Variants in PDGFD observed in about 807,000 individuals in gnomAD.
The protein encoded by PDGFD is platelet-derived growth factor D.
In PDGFD, 30 loss-of-function variants were observed where a neutral mutation model predicts 44.7. That is an observed-to-expected ratio of 0.67 (90% CI 0.50 to 0.91). The LOEUF (loss-of-function observed/expected upper bound fraction) is 0.91. Ranked by LOEUF, PDGFD falls within the 40% of genes least tolerant of loss-of-function variation. PDGFD has a pLI of 0.00. For missense variants in PDGFD, 445 were observed against 457.8 expected, an observed-to-expected ratio of 0.97 and a Z score of 0.25; for synonymous variants, 173 against 168.4, an observed-to-expected ratio of 1.03 and a Z score of -0.21.
At position 103,909,961 on chromosome 11, in the gene PDGFD, C is replaced by A. The variant is rs1858002003; in HGVS notation, c.988-142G>T. 2 of 953,458 alleles carry A rather than the reference C, an allele frequency of 2.1e-6. 1 individual carries two copies. Among genetic ancestry groups the A allele is most frequent in the Middle Eastern group, 4.5e-4 (2 of 4,492 alleles). 59.1% of individuals were successfully genotyped at this position (953,458 alleles called of 1,614,324 possible). A position where few individuals can be genotyped will look rare whatever the true frequency, so the allele number is the denominator to read the frequency against. ...GCTATGGGCTTGCTATTAGAATGCA[C>A]ACGTTGCTATTAGAATGTACACATT... is the stretch of plus-strand genomic sequence containing the variant. On this transcript the variant is annotated intron_variant, in intron 6 of 6. Coordinates refer to ENST00000393158, the MANE Select transcript of PDGFD (RefSeq NM_025208.5).
intron 1 of PDGFD, among the ~76,000 whole-genome samples, chr11:104,016,010 T>C (rs560794934): frequency 1.3e-5 from 2 of 152,326 alleles, no homozygotes; most frequent in Non-Finnish European, 2.9e-5. Flanking sequence ...AAAATCTACT[T>C]GTTGAATGAA....
intron 1 of PDGFD, among the ~76,000 whole-genome samples, chr11:104,048,700 T>G (rs1213292041): frequency 2.0e-5 from 3 of 152,150 alleles, no homozygotes; most frequent in South Asian, 2.1e-4. Flanking sequence ...TGCTGAGACA[T>G]AAGTCCAATT....
chr11:104,091,566 A>G (rs1861213294), intron 1 of PDGFD, among the ~76,000 whole-genome samples: 2 of 152,202 alleles, frequency 1.3e-5, no homozygotes, highest in Non-Finnish European at 2.9e-5. Flanking sequence ...TTTGCAGGGA[A>G]AGGCTGACAA....
chr11:104,019,557 G>A (rs529730793), intron 1 of PDGFD, among the ~76,000 whole-genome samples: 15 of 152,206 alleles, frequency 9.9e-5, no homozygotes, highest in African/African-American at 3.4e-4. Context: ...ATACGGCCAG[G>A]GAGACAAAAG....
At chr11:104,043,824 G>T (rs562047539) in intron 1 of PDGFD, among the ~76,000 whole-genome samples, 1 of 152,042 alleles carries the variant, frequency 6.6e-6, no homozygotes, top group Admixed American at 6.6e-5. Context: ...TCAGTACTGC[G>T]GGGAGCACAC....
chr11:104,138,737 A>G (rs1269056569), intron 1 of PDGFD, among the ~76,000 whole-genome samples: 6 of 152,186 alleles, frequency 3.9e-5, no homozygotes, highest in African/African-American at 1.4e-4. Flanking sequence ...CTTTATACTT[A>G]CAGTATTAAA....
At chr11:103,911,978 T>C (rs1415249874) in intron 6 of PDGFD, among the ~76,000 whole-genome samples, 2 of 152,006 alleles carry the variant, frequency 1.3e-5, no homozygotes, top group Non-Finnish European at 2.9e-5. Context: ...TATGGGACTA[T>C]GTGAAAAGAC....
At chr11:104,102,318 C>A (rs1308551180) in intron 1 of PDGFD, among the ~76,000 whole-genome samples, 1 of 152,172 alleles carries the variant, frequency 6.6e-6, no homozygotes, top group East Asian at 1.9e-4. Flanking sequence ...CCAAAAAACA[C>A]ATGAAAATAT....
chr11:104,017,443 C>G (rs1250981936), intron 1 of PDGFD, among the ~76,000 whole-genome samples: 1 of 152,050 alleles, frequency 6.6e-6, no homozygotes, highest in Non-Finnish European at 1.5e-5. Context: ...CAGAATGAGT[C>G]ACAGCCCATG....
chr11:104,055,936 A>AT (rs1485784562), intron 1 of PDGFD, among the ~76,000 whole-genome samples: 1 of 152,182 alleles, frequency 6.6e-6, no homozygotes, highest in African/African-American at 2.4e-5. Context: ...TGATTTAAGT[A>AT]TTTTTTTCCT....
At chr11:104,038,242 G>A (rs1860287008) in intron 1 of PDGFD, 3 of 498,238 alleles carry the variant, frequency 6.0e-6, no homozygotes. Flanking sequence ...GGAAGGCTCT[G>A]GAGGCTCCAG....
At chr11:104,147,096 G>A (rs1862173822) in intron 1 of PDGFD, among the ~76,000 whole-genome samples, 1 of 151,940 alleles carries the variant, frequency 6.6e-6, no homozygotes, top group African/African-American at 2.4e-5. Context: ...TAACACCAGA[G>A]TCACACTGTG....
chr11:104,009,124 T>C (rs2134373277), intron 1 of PDGFD, among the ~76,000 whole-genome samples: 1 of 152,196 alleles, frequency 6.6e-6, no homozygotes, highest in African/African-American at 2.4e-5. Flanking sequence ...TAACATCTGG[T>C]TTATATATTA....
At chr11:103,942,678 A>G (rs1013369347) in intron 5 of PDGFD, among the ~76,000 whole-genome samples, 2 of 152,118 alleles carry the variant, frequency 1.3e-5, no homozygotes, top group Admixed American at 6.6e-5. Context: ...GAAATTTTCC[A>G]ACAAAGTTTT....
rs572204190 is a variant in PDGFD at position 104,117,591 on chromosome 11, G to A, written c.124+46213C>T. On this transcript the variant is annotated intron_variant, in intron 1 of 6. Coordinates refer to ENST00000393158, the MANE Select transcript of PDGFD (RefSeq NM_025208.5). Reference sequence around the variant, plus strand: ...GTAGCTCTTCTATACACCAAAAAGCGACCAAGCAGAGAACCAAATCAAGAA... The same window carrying A: ...GTAGCTCTTCTATACACCAAAAAGCAACCAAGCAGAGAACCAAATCAAGAA... Among the ~76,000 whole-genome samples the A allele has an allele frequency of 6.0e-4, 91 of 151,942 alleles. 1 individual carries two copies. The highest frequency in any genetic ancestry group is 1.4e-3 in the Admixed American group (22 of 15,202).
At chr11:104,037,251 C>T in intron 1 of PDGFD, 1 of 1,613,728 alleles carries the variant, frequency 6.2e-7, no homozygotes, top group Non-Finnish European at 8.5e-7. Context: ...TGGGCAGCCC[C>T]GCCCTGATCC....
At chr11:103,942,246 G>A (rs11226081) in intron 5 of PDGFD, among the ~76,000 whole-genome samples, 6,079 of 152,128 alleles carry the variant, frequency 0.04, 399 homozygotes, top group African/African-American at 0.14. Context: ...ATGCAAACCA[G>A]CCTTTCGAGA....
At chr11:104,000,689 T>C (rs373690784) in intron 1 of PDGFD, among the ~76,000 whole-genome samples, 1 of 152,204 alleles carries the variant, frequency 6.6e-6, no homozygotes, top group Non-Finnish European at 1.5e-5. Flanking sequence ...TCTCTTAATA[T>C]CATTCTTGAC....
At chr11:104,008,866 C>A (rs940853894) in intron 1 of PDGFD, among the ~76,000 whole-genome samples, 1 of 151,914 alleles carries the variant, frequency 6.6e-6, no homozygotes, top group South Asian at 2.1e-4. Flanking sequence ...GAATGGTTAA[C>A]TACAAATAGT....
Sources: gnomAD v4.1 joint callset for allele counts (sites outside exome capture counted in the v4.1 genomes callset) on GRCh38, gnomAD v4.1.1 for gene constraint, MANE v1.5 for transcripts, NCBI Gene and HGNC (gene_info 2026-07-23, HGNC 2026-07-21) for gene names.